The following PTPRM variants were observed in gnomAD, a reference collection of about 807,000 sequenced individuals.
PTPRM encodes the protein receptor-type tyrosine-protein phosphatase mu.
Under a neutral mutation model 186.7 loss-of-function variants are expected in PTPRM, and 47 were observed. The observed-to-expected ratio is 0.25, with a 90% CI of 0.20 to 0.32. The LOEUF is 0.32. Ranked by LOEUF, PTPRM falls within the 10% of genes least tolerant of loss-of-function variation. The probability of loss-of-function intolerance (pLI) is 1.00; values close to 1 mark genes in which losing one functional copy is unlikely to be tolerated. For missense variants in PTPRM, 1,494 were observed against 1,865.0 expected (o/e 0.80, Z 3.66); for synonymous variants, 668 against 674.9 (o/e 0.99, Z 0.16).
At chr18:7,582,603 G>A (rs555191710) in intron 1 of PTPRM, among the ~76,000 whole-genome samples, 1 of 152,258 alleles carries the variant, frequency 6.6e-6, no homozygotes, top group South Asian at 2.1e-4. Context: ...CTTACAGAGG[G>A]GTCTGCTAGG....
intron 20 of PTPRM, among the ~76,000 whole-genome samples, chr18:8,298,762 A>C (rs1455458224): frequency 1.3e-5 from 2 of 152,232 alleles, no homozygotes; most frequent in African/African-American, 2.4e-5. Context: ...GCAGGATTCC[A>C]ACCCAGGAGC....
intron 2 of PTPRM, among the ~76,000 whole-genome samples, chr18:7,879,741 C>G (rs7232969): frequency 0.43 from 65,922 of 151,816 alleles, 17,878 homozygotes; most frequent in African/African-American, 0.76. Flanking sequence ...CACCTAGATT[C>G]ATGTGGAATT....
rs74271309 is a variant in PTPRM at position 7,982,520 on chromosome 18, CT to C, written c.1132+27119del. On this transcript the variant is annotated intron_variant, in intron 7 of 32. Coordinates refer to ENST00000580170, the MANE Select transcript of PTPRM (RefSeq NM_001105244.2). ...CTGCCTGAGGCTGCTTCACAGTTAACTTTTTTTTTTTTTAGTATAAGTAGAA... is the reference window on the plus strand; with the variant it reads ...CTGCCTGAGGCTGCTTCACAGTTAACTTTTTTTTTTTTAGTATAAGTAGAA... Among the ~76,000 whole-genome samples, 424 of 142,982 alleles carry C rather than the reference CT, an allele frequency of 3.0e-3. 1 individual carries two copies. Among genetic ancestry groups the C allele is most frequent in the Middle Eastern group, 7.2e-3 (2 of 278 alleles). The allele number at this position is 142,982 out of a possible 152,430, so 93.8% of individuals were successfully genotyped here. A position where few individuals can be genotyped will look rare whatever the true frequency, so the allele number is the denominator to read the frequency against.
At chr18:8,240,770 GA>G (rs2094419548) in intron 14 of PTPRM, among the ~76,000 whole-genome samples, 1 of 64,218 alleles carries the variant, frequency 1.6e-5, no homozygotes, top group African/African-American at 9.3e-5. Context: ...GGGAGGGAGA[GA>G]GAGAGGGAGA....
chr18:7,582,162 C>G (rs2036862840), intron 1 of PTPRM, among the ~76,000 whole-genome samples: 1 of 152,172 alleles, frequency 6.6e-6, no homozygotes, highest in South Asian at 2.1e-4. Context: ...AAACAACCAC[C>G]ATTTACTAAA....
intron 27 of PTPRM, 117 bp from the exon 28 acceptor site, chr18:8,379,050 G>GGC: frequency 3.9e-6 from 3 of 771,740 alleles, no homozygotes; most frequent in South Asian, 2.3e-5. Flanking sequence ...GGGGAGGGAG[G>GGC]GGGAAGGGAC....
chr18:8,208,266 A>G (rs1291051493), intron 14 of PTPRM, among the ~76,000 whole-genome samples: 2 of 152,238 alleles, frequency 1.3e-5, no homozygotes, highest in Non-Finnish European at 2.9e-5. Flanking sequence ...GCACAGGTAC[A>G]TGCTGAATAT....
intron 14 of PTPRM, among the ~76,000 whole-genome samples, chr18:8,159,664 G>C (rs1022815268): frequency 6.6e-6 from 1 of 152,136 alleles, no homozygotes; most frequent in African/African-American, 2.4e-5. Flanking sequence ...ACGCTCTCCT[G>C]CATTCACAGT....
Position 8,204,776 on chromosome 18 carries a change from A to AC in PTPRM, c.2301-39282_2301-39281insC, listed in dbSNP as rs201100153. On this transcript the variant is annotated intron_variant, in intron 14 of 32. Coordinates refer to ENST00000580170, the MANE Select transcript of PTPRM (RefSeq NM_001105244.2). ...GGTAACTAAAAAAACAAAAACAAAA[A>AC]AAAAACAAAAACAAAAACCCTAACA... Among the ~76,000 whole-genome samples the AC allele has an allele frequency of 1.9e-3, 281 of 151,840 alleles. 1 individual carries two copies. Among genetic ancestry groups the AC allele is most frequent in the African/African-American group, 6.3e-3 (258 of 41,166 alleles).
chr18:7,786,625 C>T (rs946748494), intron 2 of PTPRM, among the ~76,000 whole-genome samples: 11 of 151,982 alleles, frequency 7.2e-5, no homozygotes, highest in Non-Finnish European at 1.5e-4. Context: ...TTATGAAAAC[C>T]ATCATATGCC....
At chr18:7,665,248 T>C (rs2039069626) in intron 1 of PTPRM, among the ~76,000 whole-genome samples, 1 of 152,192 alleles carries the variant, frequency 6.6e-6, no homozygotes, top group Non-Finnish European at 1.5e-5. Context: ...AGCCAAGCAA[T>C]TTTCCTTATG....
At chr18:8,228,677 TAA>T (rs55669801) in intron 14 of PTPRM, among the ~76,000 whole-genome samples, 35,484 of 130,386 alleles carry the variant, frequency 0.27, 4,989 homozygotes, top group African/African-American at 0.38. Flanking sequence ...CAAACTCTAC[TAA>T]AAAAAAAAAA....
intron 2 of PTPRM, among the ~76,000 whole-genome samples, chr18:7,807,463 A>G (rs901512721): frequency 6.6e-6 from 1 of 152,310 alleles, no homozygotes; most frequent in Admixed American, 6.5e-5. Context: ...CCCATCCACA[A>G]GTTCTTCTAT....
intron 13 of PTPRM, among the ~76,000 whole-genome samples, chr18:8,115,098 TC>T (rs1468656423): frequency 6.6e-6 from 1 of 152,218 alleles, no homozygotes; most frequent in East Asian, 1.9e-4. Flanking sequence ...TCAGATTTTT[TC>T]AAATGACTTT....
intron 2 of PTPRM, among the ~76,000 whole-genome samples, chr18:7,820,283 G>A (rs1230148275): frequency 1.3e-5 from 2 of 152,154 alleles, no homozygotes; most frequent in East Asian, 3.9e-4. Context: ...TGCAAGGAGG[G>A]CCTGGCCGGG....
At chr18:7,986,655 T>C (rs551711786) in intron 7 of PTPRM, among the ~76,000 whole-genome samples, 102 of 152,322 alleles carry the variant, frequency 6.7e-4, no homozygotes, top group African/African-American at 2.2e-3. Flanking sequence ...AATTGTGAAC[T>C]AAAATGGCCT....
chr18:8,125,864 CTT>C (rs1374229236), intron 13 of PTPRM, among the ~76,000 whole-genome samples: 1 of 150,696 alleles, frequency 6.6e-6, no homozygotes, highest in African/African-American at 2.4e-5. Flanking sequence ...TCTTTAAAAA[CTT>C]TTTATTTTTC....
chr18:7,780,568 G>C (rs558559942), intron 2 of PTPRM, among the ~76,000 whole-genome samples: 39 of 152,252 alleles, frequency 2.6e-4, no homozygotes, highest in Non-Finnish European at 4.6e-4. Context: ...CCCTGTTTTA[G>C]TCCTATTATC....
Position 8,158,992 on chromosome 18 carries a change from A to G in PTPRM, c.2300+15213A>G, listed in dbSNP as rs143679776. On this transcript the variant is annotated intron_variant, in intron 14 of 32. Coordinates refer to ENST00000580170, the MANE Select transcript of PTPRM (RefSeq NM_001105244.2). ...CACATTGCAACATGAGATGTGGGGG[A>G]CAAAGATCCTGCAAACCATGTCAAG... 1.7e-3 allele frequency among the ~76,000 whole-genome samples: 254 copies of G among 152,276 alleles called. 2 individuals carry two copies. The highest frequency in any genetic ancestry group is 5.9e-3 in the African/African-American group (246 of 41,558).
Sources: allele counts gnomAD v4.1 joint callset (sites outside exome capture counted in the v4.1 genomes callset), GRCh38; gene constraint gnomAD v4.1.1; transcripts MANE v1.5; gene names NCBI Gene and HGNC (gene_info 2026-07-23, HGNC 2026-07-21).